Variants in CFTR observed in about 807,000 individuals in gnomAD.
CFTR encodes the protein CF transmembrane conductance regulator.
Under a neutral mutation model 171.6 loss-of-function variants are expected in CFTR, and 181 were observed. The ratio of observed to expected loss-of-function variants is 1.05; its 90% CI spans 0.93 to 1.19. CFTR has a LOEUF of 1.19. Ranked by LOEUF, CFTR falls within the 50% of genes most tolerant of loss-of-function variation. The probability of loss-of-function intolerance (pLI) is 0.00; values close to 1 mark genes in which losing one functional copy is unlikely to be tolerated. For missense variants in CFTR, 1,968 were observed against 1,734.7 expected (o/e 1.13, Z -2.39); for synonymous variants, 583 against 608.0 (o/e 0.96, Z 0.60).
At chr7:117,579,292 A>G (rs1287101653) in intron 11 of CFTR, among the ~76,000 whole-genome samples, 1 of 151,996 alleles carries the variant, frequency 6.6e-6, no homozygotes, top group Non-Finnish European at 1.5e-5. Context: ...CTCTCCAAAT[A>G]TATGCACATT....
chr7:117,480,366 T>C (rs576637021), intron 1 of CFTR, among the ~76,000 whole-genome samples: 2 of 152,244 alleles, frequency 1.3e-5, no homozygotes, highest in African/African-American at 4.8e-5. Context: ...GAGCCACATC[T>C]ACTTGCAACT....
chr7:117,631,846 T>C (rs950086516), intron 22 of CFTR, among the ~76,000 whole-genome samples: 14 of 152,286 alleles, frequency 9.2e-5, no homozygotes, highest in African/African-American at 3.4e-4. Context: ...AATTTACAGA[T>C]GCACAGTCAG....
At chr7:117,629,649 G>A (rs766526741) in intron 22 of CFTR, among the ~76,000 whole-genome samples, 15 of 152,124 alleles carry the variant, frequency 9.9e-5, no homozygotes, top group Non-Finnish European at 1.9e-4. Context: ...TTCTTAGAAG[G>A]CCGGATAACA....
intron 23 of CFTR, among the ~76,000 whole-genome samples, chr7:117,649,516 TATA>T (rs1243576111): frequency 0.16 from 20,607 of 129,590 alleles, 1,770 homozygotes; most frequent in East Asian, 0.28. Flanking sequence ...TATATATATA[TATA>T]TTTTTTTTTT....
chr7:117,510,069 C>A (rs1268625993), intron 3 of CFTR, among the ~76,000 whole-genome samples: 4 of 152,118 alleles, frequency 2.6e-5, no homozygotes, highest in Non-Finnish European at 4.4e-5. Flanking sequence ...GATGAGTACA[C>A]TTAGGCCCAG....
chr7:117,616,087 A>G (rs1256536722), intron 21 of CFTR: 1 of 152,126 alleles, frequency 6.6e-6, no homozygotes, highest in Non-Finnish European at 1.5e-5. Flanking sequence ...ACATCATTAT[A>G]AAAAATATCT....
intron 9 of CFTR, among the ~76,000 whole-genome samples, chr7:117,546,284 G>A (rs1331444767): frequency 6.6e-6 from 1 of 151,882 alleles, no homozygotes; most frequent in African/African-American, 2.4e-5. Flanking sequence ...GAGCCACCAC[G>A]CCTGGCCACC....
At position 117,530,950 on chromosome 7, in the gene CFTR, T is replaced by A. The variant is rs397508522; in HGVS notation, c.325T>A (p.Tyr109Asn). 1 of 1,613,846 alleles carries A rather than the reference T, an allele frequency of 6.2e-7. No homozygotes were observed. Among genetic ancestry groups the A allele is most frequent in the Non-Finnish European group, 8.5e-7 (1 of 1,179,850 alleles). Residue 109 changes from tyrosine (Y) to asparagine (N), a missense_variant, in exon 4 of 27, where the codon TAT becomes AAT. By Grantham distance (143) the Tyr-to-Asn change is moderately radical. Coordinates refer to ENST00000003084, the MANE Select transcript of CFTR (RefSeq NM_000492.4). ...CTTACTGGGAAGAATCATAGCTTCC[T>A]ATGACCCGGATAACAAGGAGGAACG... The part of the protein sequence containing the change: ...PLLLGRIIAS[Y>N]DPDNKEERSI...
At chr7:117,562,002 G>A (rs892068498) in intron 11 of CFTR, among the ~76,000 whole-genome samples, 9 of 152,170 alleles carry the variant, frequency 5.9e-5, no homozygotes, top group African/African-American at 2.2e-4. Context: ...AGATTGATGT[G>A]AAGAAGTGGG....
intron 9 of CFTR, among the ~76,000 whole-genome samples, chr7:117,546,685 T>C (rs1180516252): frequency 6.6e-6 from 1 of 152,156 alleles, no homozygotes; most frequent in Non-Finnish European, 1.5e-5. Flanking sequence ...TGGATAAAAG[T>C]CCCACTTCTA....
At position 117,613,999 on chromosome 7, in the gene CFTR, C is replaced by CTTT. The variant is rs752774658; in HGVS notation, c.3368-591_3368-589dup. Among the ~76,000 whole-genome samples, 171 of 72,482 alleles carry CTTT rather than the reference C, an allele frequency of 2.4e-3. 5 individuals carry two copies. The highest frequency in any genetic ancestry group is 5.1e-3 in the African/African-American group (98 of 19,174). The allele number at this position is 72,482 out of a possible 152,430, so 47.6% of individuals were successfully genotyped here. A position where few individuals can be genotyped will look rare whatever the true frequency, so the allele number is the denominator to read the frequency against. ...TGTTGTTCTTCCCAGGTACAGTAAT[C>CTTT]TTTTTTTTTTTTTTTTTTTTTTTTT... On this transcript the variant is annotated intron_variant, in intron 20 of 26. Transcript: ENST00000003084.
intron 21 of CFTR, among the ~76,000 whole-genome samples, chr7:117,626,473 T>A (rs1014718840): frequency 2.6e-5 from 4 of 152,048 alleles, no homozygotes; most frequent in Non-Finnish European, 1.5e-5. Flanking sequence ...TTTGACTGAA[T>A]AAAGCCAGCA....
chr7:117,602,696 G>A, intron 15 of CFTR, 130 bp from the exon 16 acceptor site: 2 of 832,086 alleles, frequency 2.4e-6, no homozygotes, highest in South Asian at 2.7e-5. Context: ...CAAAGCAAAG[G>A]AAGATGAAAT....
At chr7:117,578,214 C>G (rs1348045029) in intron 11 of CFTR, among the ~76,000 whole-genome samples, 2 of 151,842 alleles carry the variant, frequency 1.3e-5, no homozygotes, top group African/African-American at 2.4e-5. Flanking sequence ...TCTGACACCC[C>G]TAAGGCAACA....
intron 18 of CFTR, among the ~76,000 whole-genome samples, chr7:117,607,542 CAG>C (rs1429574958): frequency 2.0e-5 from 3 of 152,156 alleles, no homozygotes; most frequent in African/African-American, 7.2e-5. Flanking sequence ...GGTCAAGCTC[CAG>C]AGAGCAAATG....
chr7:117,597,072 G>A (rs1196656946), intron 15 of CFTR, among the ~76,000 whole-genome samples: 1 of 152,206 alleles, frequency 6.6e-6, no homozygotes, highest in East Asian at 1.9e-4. Context: ...CAGGCTGCCT[G>A]AGCCAGAAGT....
Position 117,647,909 on chromosome 7 carries a change from TA to T in CFTR, c.3874-4931del, listed in dbSNP as rs1187346027. 4.0e-5 allele frequency among the ~76,000 whole-genome samples: 6 copies of T among 151,366 alleles called. No individual in the cohort carries two copies. The East Asian group carries it at 1.2e-3, about 29-fold the overall frequency. Reference sequence around the variant, plus strand: ...ATTTTTATTATACAGATTGAATTTATAAGAAAATGTTGCAGACATTGTCAAA... The same window carrying T: ...ATTTTTATTATACAGATTGAATTTATAGAAAATGTTGCAGACATTGTCAAA... On this transcript the variant is annotated intron_variant, in intron 23 of 26. Transcript: ENST00000003084.
intron 6 of CFTR, among the ~76,000 whole-genome samples, chr7:117,535,748 G>A (rs750547060): frequency 9.2e-5 from 14 of 152,056 alleles, no homozygotes; most frequent in Non-Finnish European, 1.9e-4. Flanking sequence ...TGCCCAGGCT[G>A]GTCTCGAATG....
chr7:117,557,147 A>T (rs1361855855), intron 10 of CFTR, among the ~76,000 whole-genome samples: 2 of 152,076 alleles, frequency 1.3e-5, no homozygotes, highest in African/African-American at 4.8e-5. Flanking sequence ...TTTTCTAGAA[A>T]ATCTGTAGCT....
Sources: allele counts gnomAD v4.1 joint callset (sites outside exome capture counted in the v4.1 genomes callset), GRCh38; gene constraint gnomAD v4.1.1; transcripts MANE v1.5; gene names NCBI Gene and HGNC (gene_info 2026-07-23, HGNC 2026-07-21).